The following RNFT2 variants were observed in gnomAD, a reference collection of about 807,000 sequenced individuals.
RNFT2 encodes the protein ring finger protein, transmembrane 2.
In RNFT2, 36 loss-of-function variants were observed where a neutral mutation model predicts 53.0. The ratio of observed to expected loss-of-function variants is 0.68; its 90% CI spans 0.52 to 0.90. The LOEUF (loss-of-function observed/expected upper bound fraction) is 0.90. RNFT2 is among the 40% of genes least tolerant of loss of function. The pLI, the probability that RNFT2 is intolerant of heterozygous loss-of-function variation, is 0.00. For missense variants in RNFT2, 514 were observed against 585.6 expected (o/e 0.88, Z 1.26); for synonymous variants, 260 against 253.2 (o/e 1.03, Z -0.26).
intron 10 of RNFT2, among the ~76,000 whole-genome samples, chr12:116,836,948 A>T (rs968029593): frequency 1.3e-5 from 2 of 152,132 alleles, no homozygotes; most frequent in Non-Finnish European, 2.9e-5. Flanking sequence ...AAAAAAGGAC[A>T]TAATAATAAC....
rs1465646224 is a variant in RNFT2, at chr12:116,806,381, A to AAAATATAT, written c.882+27034_882+27035insAATATATA. On this transcript the variant is annotated intron_variant, in intron 7 of 10. Coordinates refer to ENST00000257575, the MANE Select transcript of RNFT2 (RefSeq NM_001382266.1). The stretch of plus-strand genomic sequence containing the variant: ...TGAGACTGTCTCAAAAAAAAAAAAA[A>AAAATATAT]ATATATATATATATATATAGATAGA... Among the ~76,000 whole-genome samples the AAAATATAT allele has an allele frequency of 3.7e-5, 5 of 133,470 alleles. No individual in the cohort carries two copies. In the South Asian group the frequency reaches 7.0e-4, roughly 19 times the overall value. 87.6% of individuals were successfully genotyped at this position (133,470 alleles called of 152,430 possible).
At chr12:116,816,473 G>C (rs1259136507) in intron 7 of RNFT2, among the ~76,000 whole-genome samples, 1 of 152,200 alleles carries the variant, frequency 6.6e-6, no homozygotes, top group Non-Finnish European at 1.5e-5. Flanking sequence ...CTCCTCGCCA[G>C]AAGAGCAGAG....
intron 7 of RNFT2, among the ~76,000 whole-genome samples, chr12:116,828,255 G>T (rs556773009): frequency 3.4e-4 from 52 of 152,260 alleles, no homozygotes; most frequent in African/African-American, 1.2e-3. Context: ...ACTTGGATGT[G>T]CACTCGGGTC....
chr12:116,846,025 A>G (rs773490776), intron 10 of RNFT2, among the ~76,000 whole-genome samples: 20 of 152,094 alleles, frequency 1.3e-4, no homozygotes, highest in South Asian at 2.1e-4. Flanking sequence ...CCTTGGATCA[A>G]ACTGGTCCCT....
At chr12:116,813,371 C>T (rs1009735742) in intron 7 of RNFT2, among the ~76,000 whole-genome samples, 21 of 152,124 alleles carry the variant, frequency 1.4e-4, no homozygotes, top group African/African-American at 5.1e-4. Context: ...TGCTCTTGTT[C>T]TCTCACCTCC....
At chr12:116,765,445 C>CA (rs1480018527) in intron 5 of RNFT2, among the ~76,000 whole-genome samples, 2 of 152,152 alleles carry the variant, frequency 1.3e-5, no homozygotes, top group Non-Finnish European at 2.9e-5. Flanking sequence ...TGTCTGGAGA[C>CA]ACTGTGTATT....
At chr12:116,823,544 C>T (rs1008870198) in intron 7 of RNFT2, among the ~76,000 whole-genome samples, 4 of 152,136 alleles carry the variant, frequency 2.6e-5, no homozygotes, top group Admixed American at 6.5e-5. Context: ...ATGAGCTGGG[C>T]GCCGTGGCGC....
chr12:116,790,532 C>T (rs1874184974), intron 7 of RNFT2, among the ~76,000 whole-genome samples: 2 of 152,206 alleles, frequency 1.3e-5, no homozygotes, highest in South Asian at 4.1e-4. Context: ...CGGGAGCAGC[C>T]AGTGTGGGGC....
chr12:116,740,153 G>T (rs1227467050), intron 1 of RNFT2, among the ~76,000 whole-genome samples, 192 bp from the exon 2 acceptor site: 1 of 151,818 alleles, frequency 6.6e-6, no homozygotes, highest in Non-Finnish European at 1.5e-5. Flanking sequence ...GGCAGAGGTT[G>T]CAGTGAGCCA....
intron 5 of RNFT2, among the ~76,000 whole-genome samples, chr12:116,757,995 G>A (rs150048414): frequency 0.019 from 2,949 of 152,262 alleles, 46 homozygotes; most frequent in Middle Eastern, 0.055. Flanking sequence ...TTTTATAAAT[G>A]TGGGAGCTCC....
At chr12:116,792,933 G>A (rs1016986938) in intron 7 of RNFT2, among the ~76,000 whole-genome samples, 9 of 152,236 alleles carry the variant, frequency 5.9e-5, no homozygotes, top group Middle Eastern at 3.4e-3. Flanking sequence ...TGGCCCTGAC[G>A]TGTGAGGTTG....
chr12:116,826,801 C>G (rs1177780115), intron 7 of RNFT2, among the ~76,000 whole-genome samples: 1 of 152,174 alleles, frequency 6.6e-6, no homozygotes, highest in Non-Finnish European at 1.5e-5. Context: ...TACATGAGCA[C>G]CTACTACATG....
intron 7 of RNFT2, among the ~76,000 whole-genome samples, chr12:116,825,200 C>T (rs1876263608): frequency 6.6e-6 from 1 of 152,174 alleles, no homozygotes. Context: ...GAGCTGCTCC[C>T]CTTCCACATG....
Position 116,749,929 on chromosome 12 carries a change from G to A in RNFT2, c.172G>A (p.Ala58Thr). The A allele has an allele frequency of 6.3e-7, 1 of 1,580,764 alleles. No individual in the cohort carries two copies. The highest frequency in any genetic ancestry group is 8.6e-7 in the Non-Finnish European group (1 of 1,163,432). Reference protein sequence around the residue: ...SLKAEAASPPALFSGLSGSLP... With the variant: ...SLKAEAASPPTLFSGLSGSLP... Reference sequence around the variant, plus strand: ...GAAGGCAGAGGCAGCCTCCCCACCAGCGCTCTTCTCGGGCTTATCAGGCAG... The same window carrying A: ...GAAGGCAGAGGCAGCCTCCCCACCAACGCTCTTCTCGGGCTTATCAGGCAG... The change falls in exon 4 of 11, where the codon GCG becomes ACG. Residue 58 changes from alanine to threonine, a missense_variant. Coordinates refer to ENST00000257575, the MANE Select transcript of RNFT2 (RefSeq NM_001382266.1).
In RNFT2 at chr12:116,851,554, C is replaced by T; in HGVS notation, c.*2106C>T. 1.8e-6 allele frequency: 1 copy of T among 567,580 alleles called. No homozygotes were observed. The highest frequency in any genetic ancestry group is 2.1e-5 in the South Asian group (1 of 48,072). 35.2% of individuals were successfully genotyped at this position (567,580 alleles called of 1,614,324 possible). The stretch of plus-strand genomic sequence containing the variant: ...AAGAGTTCAAGACTAGCCTGGCCAA[C>T]ATGGCAAAACCCCCTCTTTACTAAA... On this transcript the variant is annotated 3_prime_UTR_variant, in exon 11 of 11. Coordinates refer to ENST00000257575, the MANE Select transcript of RNFT2 (RefSeq NM_001382266.1).
intron 6 of RNFT2, among the ~76,000 whole-genome samples, chr12:116,768,098 CCTT>C (rs1345258503): frequency 7.1e-6 from 1 of 140,690 alleles, no homozygotes; most frequent in African/African-American, 2.9e-5. Flanking sequence ...CACAGTTTGG[CCTT>C]TTTTTTTTTT....
At chr12:116,752,115 C>G (rs1384035236) in intron 4 of RNFT2, among the ~76,000 whole-genome samples, 1 of 151,368 alleles carries the variant, frequency 6.6e-6, no homozygotes, top group African/African-American at 2.4e-5. Context: ...TTTGTGAGGC[C>G]GAGGCAGGAG....
intron 7 of RNFT2, among the ~76,000 whole-genome samples, chr12:116,816,535 C>T (rs1480455541): frequency 6.6e-6 from 1 of 152,144 alleles, no homozygotes; most frequent in East Asian, 1.9e-4. Flanking sequence ...GACACATTTT[C>T]ATCAGCTCTG....
chr12:116,827,568 G>T (rs1395897477), intron 7 of RNFT2, among the ~76,000 whole-genome samples: 1 of 152,154 alleles, frequency 6.6e-6, no homozygotes, highest in East Asian at 1.9e-4. Context: ...CAGGCTACAG[G>T]CCAAATACGT....
Sources: allele counts gnomAD v4.1 joint callset (sites outside exome capture counted in the v4.1 genomes callset), GRCh38; gene constraint gnomAD v4.1.1; transcripts MANE v1.5; gene names NCBI Gene and HGNC (gene_info 2026-07-23, HGNC 2026-07-21).